PTPRD: variants seen among roughly 807,000 people sequenced by gnomAD.
PTPRD encodes the protein receptor-type tyrosine-protein phosphatase delta.
Under a neutral mutation model 214.5 loss-of-function variants are expected in PTPRD, and 34 were observed. The observed-to-expected ratio is 0.16, with a 90% confidence interval of 0.12 to 0.21. PTPRD has a LOEUF of 0.21. PTPRD is among the 10% of genes least tolerant of loss of function. The pLI is 1.00. For synonymous variants in PTPRD, 1,128 were observed against 845.7 expected, an observed-to-expected ratio of 1.33 and a Z score of -5.79; for missense variants, 2,545 against 2,398.7, an observed-to-expected ratio of 1.06 and a Z score of -1.27.
intron 33 of PTPRD, among the ~76,000 whole-genome samples, chr9:8,457,618 T>C (rs1381687620): frequency 6.6e-6 from 1 of 152,114 alleles, no homozygotes; most frequent in African/African-American, 2.4e-5. Flanking sequence ...GGGTAAAATA[T>C]ACTTCTTTAT....
At chr9:9,342,856 C>T (rs2047348265) in intron 9 of PTPRD, among the ~76,000 whole-genome samples, 1 of 152,062 alleles carries the variant, frequency 6.6e-6, no homozygotes, top group Admixed American at 6.6e-5. Flanking sequence ...GCTATCCCTC[C>T]CCTAGCCCCC....
intron 9 of PTPRD, among the ~76,000 whole-genome samples, chr9:9,312,462 G>A (rs1219133683): frequency 6.6e-6 from 1 of 152,286 alleles, no homozygotes; most frequent in South Asian, 2.1e-4. Flanking sequence ...AGAAAAAAAT[G>A]TATTTCTGGC....
chr9:9,283,557 T>C (rs10122609), intron 9 of PTPRD, among the ~76,000 whole-genome samples: 15,910 of 151,468 alleles, frequency 0.11, 1,086 homozygotes, highest in Non-Finnish European at 0.15. Flanking sequence ...ATAGAACAAA[T>C]AGAAAAATGA....
intron 33 of PTPRD, among the ~76,000 whole-genome samples, chr9:8,453,022 C>T (rs1371108444): frequency 2.0e-5 from 3 of 152,124 alleles, no homozygotes; most frequent in Non-Finnish European, 2.9e-5. Flanking sequence ...CCCAACTCTG[C>T]CACTACTGGT....
chr9:9,072,878 T>C (rs912893380), intron 10 of PTPRD, among the ~76,000 whole-genome samples: 1 of 152,196 alleles, frequency 6.6e-6, no homozygotes, highest in African/African-American at 2.4e-5. Context: ...GAAAACTGAA[T>C]GAGCATTTCA....
chr9:8,511,175 C>G (rs751116265), intron 21 of PTPRD, among the ~76,000 whole-genome samples: 3 of 152,122 alleles, frequency 2.0e-5, no homozygotes, highest in Non-Finnish European at 4.4e-5. Context: ...CTCAAGTGCT[C>G]CTTCCACCTC....
intron 9 of PTPRD, among the ~76,000 whole-genome samples, chr9:9,202,176 G>C (rs1360227543): frequency 6.6e-6 from 1 of 152,152 alleles, no homozygotes; most frequent in Non-Finnish European, 1.5e-5. Flanking sequence ...TAGACAGTTT[G>C]TCAGCAGTAG....
rs550233268 is a variant in PTPRD at position 9,798,170 on chromosome 9, G to A, written c.-367-31319C>T. Among the ~76,000 whole-genome samples the A allele has an allele frequency of 2.0e-5, 3 of 152,038 alleles. No individual in the cohort carries two copies. In the East Asian group the frequency reaches 5.8e-4, roughly 29 times the overall value. On this transcript the variant is annotated intron_variant, in intron 5 of 45. Coordinates refer to ENST00000381196, the MANE Select transcript of PTPRD (RefSeq NM_002839.4). ...ATTTTAATAAATTAATAAATACTAT[G>A]TTATTTTCTTCGATAACATTGTAGG...
At chr9:10,420,696 A>G (rs1311657181) in intron 2 of PTPRD, among the ~76,000 whole-genome samples, 5 of 151,994 alleles carry the variant, frequency 3.3e-5, no homozygotes, top group African/African-American at 7.2e-5. Flanking sequence ...TCAAATGTCT[A>G]CTAATAAAAT....
intron 5 of PTPRD, among the ~76,000 whole-genome samples, chr9:9,807,103 A>AC (rs1308820977): frequency 6.6e-6 from 1 of 152,070 alleles, no homozygotes; most frequent in Admixed American, 6.6e-5. Context: ...CTGCTCTAAA[A>AC]TCTTTTAATA....
intron 5 of PTPRD, among the ~76,000 whole-genome samples, chr9:9,887,614 T>C (rs570148792): frequency 1.3e-3 from 191 of 152,266 alleles, no homozygotes; most frequent in Middle Eastern, 3.4e-3. Context: ...GTGTACCATG[T>C]ACTCAGACAA....
At chr9:10,407,623 T>A (rs1392722863) in intron 2 of PTPRD, among the ~76,000 whole-genome samples, 1 of 151,494 alleles carries the variant, frequency 6.6e-6, no homozygotes, top group Non-Finnish European at 1.5e-5. Flanking sequence ...TTCCCAGTGA[T>A]TTGGCCAATA....
intron 11 of PTPRD, among the ~76,000 whole-genome samples, chr9:8,758,729 G>T (rs2094195114): frequency 6.6e-6 from 1 of 151,742 alleles, no homozygotes; most frequent in Non-Finnish European, 1.5e-5. Context: ...TCTTGTTTGA[G>T]AGGAGGAAAG....
chr9:8,517,726 G>A (rs2097808213), intron 21 of PTPRD, 122 bp downstream of exon 21: 8 of 783,900 alleles, frequency 1.0e-5, no homozygotes, highest in South Asian at 1.8e-5. Context: ...CTGTTGCTTT[G>A]AAGCCCTAAA....
intron 12 of PTPRD, among the ~76,000 whole-genome samples, chr9:8,697,823 G>A (rs1201365174): frequency 6.6e-6 from 1 of 151,970 alleles, no homozygotes; most frequent in African/African-American, 2.4e-5. Context: ...TGACATTATT[G>A]GTGGGAAGAA....
chr9:8,576,246 G>C (rs1178228923), intron 14 of PTPRD, among the ~76,000 whole-genome samples: 1 of 152,050 alleles, frequency 6.6e-6, no homozygotes, highest in Non-Finnish European at 1.5e-5. Flanking sequence ...AAAAAATAAT[G>C]TCAATACCTA....
At chr9:9,141,325 G>A (rs1460153734) in intron 10 of PTPRD, among the ~76,000 whole-genome samples, 1 of 151,338 alleles carries the variant, frequency 6.6e-6, no homozygotes, top group African/African-American at 2.4e-5. Context: ...ACGGCACCTG[G>A]ATACTTGCAC....
At chr9:8,340,284 C>A (rs1417295588) in intron 42 of PTPRD, 59 bp downstream of exon 42, 1 of 1,493,534 alleles carries the variant, frequency 6.7e-7, no homozygotes, top group South Asian at 1.4e-5. Context: ...GAAACAAAGT[C>A]TTCATTTCTC....
chr9:9,034,245 G>C (rs1006090997), intron 10 of PTPRD, among the ~76,000 whole-genome samples: 3 of 152,094 alleles, frequency 2.0e-5, no homozygotes, highest in African/African-American at 7.2e-5. Flanking sequence ...CTAGAGCTCT[G>C]TTAGGAATCC....
Sources: allele counts gnomAD v4.1 joint callset (sites outside exome capture counted in the v4.1 genomes callset), GRCh38; gene constraint gnomAD v4.1.1; transcripts MANE v1.5; gene names NCBI Gene and HGNC (gene_info 2026-07-23, HGNC 2026-07-21).